Variants in LRRFIP1 observed in about 807,000 individuals in gnomAD.
LRRFIP1 encodes the protein leucine-rich repeat flightless-interacting protein 1.
In LRRFIP1, 62 loss-of-function variants were observed where a neutral mutation model predicts 104.4. The observed-to-expected ratio is 0.59, with a 90% CI of 0.48 to 0.73. The LOEUF (loss-of-function observed/expected upper bound fraction) is 0.73. Ranked by LOEUF, LRRFIP1 falls within the 30% of genes least tolerant of loss-of-function variation. The pLI is 0.00. For synonymous variants in LRRFIP1, 300 were observed against 299.0 expected, an observed-to-expected ratio of 1.00 and a Z score of -0.03; for missense variants, 796 against 824.5, an observed-to-expected ratio of 0.97 and a Z score of 0.42.
At chr2:237,734,109 T>C (rs1258702098) in intron 9 of LRRFIP1, among the ~76,000 whole-genome samples, 1 of 152,316 alleles carries the variant, frequency 6.6e-6, no homozygotes, top group East Asian at 1.9e-4. Flanking sequence ...ACTTTACCTA[T>C]TGGCAGAAAG....
rs1360823052 is a variant in LRRFIP1 at position 237,703,968 on chromosome 2, G to C, written c.97-4576G>C. On this transcript the variant is annotated intron_variant, in intron 1 of 23. Coordinates refer to ENST00000308482, the MANE Select transcript of LRRFIP1 (RefSeq NM_001137550.2). This position sits in a 1 kb window ranked among gnomAD's most constrained non-coding sequence, Gnocchi z 4.3. ...GATTTTATATTTTACAAAAGTGTCA[G>C]TCGATAAAGGATTTGTCCTGCGCCA... Among the ~76,000 whole-genome samples the C allele has an allele frequency of 6.6e-6, 1 of 152,094 alleles. No homozygotes were observed. Among genetic ancestry groups the C allele is most frequent in the East Asian group, 1.9e-4 (1 of 5,160 alleles).
intron 7 of LRRFIP1, among the ~76,000 whole-genome samples, chr2:237,725,390 C>T (rs552808262): frequency 5.9e-5 from 9 of 152,300 alleles, no homozygotes; most frequent in African/African-American, 2.2e-4. Context: ...ACATCAGAGA[C>T]CCAACTTAAG....
chr2:237,714,718 A>G (rs2094254897), intron 3 of LRRFIP1, among the ~76,000 whole-genome samples: 1 of 152,256 alleles, frequency 6.6e-6, no homozygotes. Flanking sequence ...AAGGACAGTG[A>G]TGATATAAAA....
chr2:237,686,949 G>GC (rs2092413735), intron 1 of LRRFIP1, among the ~76,000 whole-genome samples: 1 of 152,344 alleles, frequency 6.6e-6, no homozygotes, highest in Non-Finnish European at 1.5e-5. Context: ...CTTTGCCAGT[G>GC]CCCCTGGAGT....
chr2:237,689,712 T>TGGA (rs981459076), intron 1 of LRRFIP1, among the ~76,000 whole-genome samples: 1 of 152,036 alleles, frequency 6.6e-6, no homozygotes, highest in African/African-American at 2.4e-5. Flanking sequence ...CTTCCTGCTA[T>TGGA]GGAGGAGGAG....
rs575958306 is a variant in LRRFIP1, at chr2:237,740,827, C to G, written c.633+1518C>G. On this transcript the variant is annotated intron_variant, in intron 11 of 23. Coordinates refer to ENST00000308482, the MANE Select transcript of LRRFIP1 (RefSeq NM_001137550.2). ...ACCCCACCCACTATTTTCGTGACCC[C>G]GAGGCCACGGCCCAGGTGCCATTCA... is the stretch of plus-strand genomic sequence containing the variant. Among the ~76,000 whole-genome samples the G allele has an allele frequency of 9.2e-5, 14 of 152,022 alleles. No homozygotes were observed. In the South Asian group the frequency reaches 2.9e-3, roughly 32 times the overall value.
Position 237,703,970 on chromosome 2 carries a change from C to T in LRRFIP1, c.97-4574C>T, listed in dbSNP as rs190819681. Among the ~76,000 whole-genome samples the T allele has an allele frequency of 3.3e-5, 5 of 152,034 alleles. No homozygotes were observed. The highest frequency in any genetic ancestry group is 6.5e-5 in the Admixed American group (1 of 15,270). ...TTTTATATTTTACAAAAGTGTCAGT[C>T]GATAAAGGATTTGTCCTGCGCCACC... On this transcript the variant is annotated intron_variant, in intron 1 of 23. Transcript: ENST00000308482. The surrounding 1 kb of genome is among the most constrained non-coding windows in gnomAD (Gnocchi z 4.3).
At chr2:237,712,669 G>A (rs919385534) in intron 2 of LRRFIP1, among the ~76,000 whole-genome samples, 3 of 152,164 alleles carry the variant, frequency 2.0e-5, no homozygotes, top group Non-Finnish European at 4.4e-5. Flanking sequence ...GTGTGCATGT[G>A]CGCTCACACA....
In LRRFIP1 at chr2:237,753,418, T is replaced by G; in HGVS notation, c.977T>G (p.Met326Arg). ...TACCAGGTTGATACCCTAAAAGATATGTTGCTGGAGCTTGAAGAACAGCTG... is the reference window on the plus strand; with the variant it reads ...TACCAGGTTGATACCCTAAAAGATAGGTTGCTGGAGCTTGAAGAACAGCTG... ...FMYQVDTLKD[M>R]LLELEEQLAE... Residue 326 changes from methionine to arginine, a missense_variant, in exon 15 of 24, where the codon ATG becomes AGG. Physicochemically the swap from Met to Arg is moderately conservative, Grantham distance 91. Coordinates refer to ENST00000308482, the MANE Select transcript of LRRFIP1 (RefSeq NM_001137550.2). 8.7e-6 allele frequency: 14 copies of G among 1,604,602 alleles called. No homozygotes were observed. The highest frequency in any genetic ancestry group is 1.1e-5 in the Non-Finnish European group (13 of 1,178,016).
At chr2:237,643,420 G>T (rs191365075) in intron 1 of LRRFIP1, among the ~76,000 whole-genome samples, 1 of 152,378 alleles carries the variant, frequency 6.6e-6, no homozygotes, top group Admixed American at 6.5e-5. Flanking sequence ...GACGGATGCC[G>T]TTGGTGTATC....
chr2:237,777,595 T>G (rs1045030170), intron 23 of LRRFIP1, among the ~76,000 whole-genome samples: 2 of 151,658 alleles, frequency 1.3e-5, no homozygotes, highest in Admixed American at 1.3e-4. Context: ...TGTAGGGACC[T>G]TTTTTTTTCT....
intron 5 of LRRFIP1, among the ~76,000 whole-genome samples, chr2:237,720,022 A>G (rs1375285930): frequency 7.2e-6 from 1 of 138,510 alleles, no homozygotes; most frequent in Admixed American, 8.3e-5. Flanking sequence ...GTTTTGGCTC[A>G]CTGCAACCTC....
rs761737414 is a variant in LRRFIP1, at chr2:237,666,934, TTCTTTCTTTCTTTTTCTTTC to T, written c.96+39196_96+39215del. Among the ~76,000 whole-genome samples, 4 of 111,744 alleles carry T rather than the reference TTCTTTCTTTCTTTTTCTTTC, an allele frequency of 3.6e-5. No individual in the cohort carries two copies. The South Asian group carries it at 9.4e-4, about 26-fold the overall frequency. 73.3% of individuals were successfully genotyped at this position (111,744 alleles called of 152,430 possible). ...CTTCCTGCTTTCTTTCTTTCTTTCT[TTCTTTCTTTCTTTTTCTTTC>T]TTTCTTTCTTTCTTGTTAAATCCAT... On this transcript the variant is annotated intron_variant, in intron 1 of 23. Transcript: ENST00000308482.
intron 16 of LRRFIP1, among the ~76,000 whole-genome samples, chr2:237,756,794 GA>G (rs1415705551): frequency 1.3e-5 from 2 of 152,190 alleles, no homozygotes; most frequent in Non-Finnish European, 2.9e-5. Context: ...CAGATCCCTG[GA>G]AACTGTAAAT....
At chr2:237,644,152 G>A (rs765719240) in intron 1 of LRRFIP1, among the ~76,000 whole-genome samples, 8 of 152,202 alleles carry the variant, frequency 5.3e-5, no homozygotes, top group Non-Finnish European at 1.2e-4. Flanking sequence ...TGATCCTAGT[G>A]ATGGGGCTTT....
At chr2:237,659,797 C>T (rs140217164) in intron 1 of LRRFIP1, among the ~76,000 whole-genome samples, 59 of 152,046 alleles carry the variant, frequency 3.9e-4, no homozygotes, top group Non-Finnish European at 5.6e-4. Flanking sequence ...TGTGCCACCA[C>T]GCCCAGCTAA....
At chr2:237,721,118 C>T (rs2094522900) in intron 6 of LRRFIP1, 1 of 331,280 alleles carries the variant, frequency 3.0e-6, no homozygotes, top group African/African-American at 2.1e-5. Flanking sequence ...ACAGTTGTCT[C>T]AGCACATTGG....
chr2:237,699,409 A>C (rs376644433), intron 1 of LRRFIP1, among the ~76,000 whole-genome samples: 1 of 150,060 alleles, frequency 6.7e-6, no homozygotes, highest in African/African-American at 2.5e-5. Flanking sequence ...CTGGAGTGCA[A>C]TGGTGAGATC....
intron 1 of LRRFIP1, among the ~76,000 whole-genome samples, chr2:237,705,213 A>AC (rs201211450): frequency 0.011 from 1,670 of 151,956 alleles, 36 homozygotes; most frequent in African/African-American, 0.039. Flanking sequence ...GGTGCCTGGG[A>AC]CCCCCCTCAG....
Sources: gnomAD v4.1 joint callset for allele counts (sites outside exome capture counted in the v4.1 genomes callset) on GRCh38, gnomAD v4.1.1 for gene constraint, Gnocchi (gnomAD v3.1) non-coding constraint, MANE v1.5 for transcripts, NCBI Gene and HGNC (gene_info 2026-07-23, HGNC 2026-07-21) for gene names.